PTPN20: variants seen among roughly 807,000 people sequenced by gnomAD.
PTPN20 encodes the protein protein tyrosine phosphatase non-receptor type 20, also known as tyrosine-protein phosphatase non-receptor type 20.
PTPN20 carries 9 observed loss-of-function variants against 35.0 expected under a neutral mutation model. The observed-to-expected ratio is 0.26, with a 90% CI of 0.15 to 0.45. The LOEUF is 0.45. Among genes scored for constraint, PTPN20 ranks in the 20% least tolerant of loss-of-function variants. The pLI is 1.00. For missense variants in PTPN20, 111 were observed against 312.5 expected, an observed-to-expected ratio of 0.36 and a Z score of 4.86; for synonymous variants, 32 against 100.2, an observed-to-expected ratio of 0.32 and a Z score of 4.06.
At chr10:46,995,343 T>TC (rs1483073190) in intron 9 of PTPN20, among the ~76,000 whole-genome samples, 5 of 147,186 alleles carry the variant, frequency 3.4e-5, no homozygotes, top group South Asian at 4.4e-4. Flanking sequence ...CTTTTTTTTT[T>TC]TTTTTTTTTT....
intron 9 of PTPN20, among the ~76,000 whole-genome samples, chr10:46,992,264 A>G (rs891833040): frequency 1.3e-5 from 2 of 151,776 alleles, no homozygotes; most frequent in African/African-American, 4.8e-5. Context: ...CTGGGACTAC[A>G]AGCGCGTGCC....
chr10:47,000,111 G>T, intron 10 of PTPN20, 137 bp downstream of exon 10: 1 of 1,337,032 alleles, frequency 7.5e-7, no homozygotes, highest in South Asian at 1.2e-5. Flanking sequence ...CATTAGTTTT[G>T]CTCTGATTCT....
intron 5 of PTPN20, among the ~76,000 whole-genome samples, chr10:46,953,337 TTCTTTCTTTCTTTC>T (rs1303094007): frequency 3.6e-5 from 2 of 55,964 alleles, no homozygotes; most frequent in African/African-American, 1.0e-4. Flanking sequence ...TTCATTTCTT[TTCTTTCTTTCTTTC>T]TTTCTTTCTT....
intron 7 of PTPN20, among the ~76,000 whole-genome samples, chr10:46,977,324 T>C (rs1364410680): frequency 6.6e-6 from 1 of 152,292 alleles, no homozygotes; most frequent in Non-Finnish European, 1.5e-5. Flanking sequence ...AAATAAATCT[T>C]TCTCACTGTA....
At chr10:46,940,829 T>G (rs2043240025) in intron 3 of PTPN20, 112 bp downstream of exon 3, 1 of 1,223,658 alleles carries the variant, frequency 8.2e-7, no homozygotes, top group South Asian at 1.3e-5. Flanking sequence ...GATTTCTTAA[T>G]TTTTTGTCAC....
intron 7 of PTPN20, among the ~76,000 whole-genome samples, chr10:46,977,332 G>A (rs1450017666): frequency 7.9e-5 from 12 of 152,150 alleles, no homozygotes; most frequent in African/African-American, 2.9e-4. Flanking sequence ...CTTTCTCACT[G>A]TATATATACA....
intron 5 of PTPN20, among the ~76,000 whole-genome samples, chr10:46,948,858 T>G (rs1327414062): frequency 6.8e-6 from 1 of 147,308 alleles, no homozygotes; most frequent in Non-Finnish European, 1.5e-5. Context: ...TTAGTGATAC[T>G]ACCCCTTCTC....
At chr10:46,992,147 G>T in intron 9 of PTPN20, among the ~76,000 whole-genome samples, 1 of 142,196 alleles carries the variant, frequency 7.0e-6, no homozygotes, top group Non-Finnish European at 1.5e-5. Context: ...TTTTGAGACA[G>T]AGTCTTGGTC....
chr10:46,976,727 G>C (rs1482534163), intron 7 of PTPN20, among the ~76,000 whole-genome samples: 2 of 134,390 alleles, frequency 1.5e-5, no homozygotes, highest in Admixed American at 1.4e-4. Context: ...GTCTACTCTT[G>C]TCTTTTTTTT....
intron 9 of PTPN20, among the ~76,000 whole-genome samples, chr10:46,990,245 C>G (rs1183137018): frequency 2.0e-5 from 3 of 148,334 alleles, no homozygotes; most frequent in African/African-American, 7.3e-5. Context: ...TGATGGCATG[C>G]ACCTGCAGTC....
chr10:46,922,743 G>C (rs564780725), intron 1 of PTPN20, among the ~76,000 whole-genome samples: 1 of 139,590 alleles, frequency 7.2e-6, no homozygotes, highest in Non-Finnish European at 1.5e-5. Flanking sequence ...TCAGGCCCTG[G>C]AAACCTAATG....
chr10:46,919,203 T>A (rs1188443094), intron 1 of PTPN20, among the ~76,000 whole-genome samples: 2 of 152,236 alleles, frequency 1.3e-5, no homozygotes, highest in East Asian at 3.8e-4. Context: ...AGACAGTATA[T>A]AATTGGATCT....
chr10:46,948,045 T>C (rs2045522487), intron 5 of PTPN20: 4 of 417,258 alleles, frequency 9.6e-6, no homozygotes, highest in African/African-American at 8.4e-5. Flanking sequence ...ATTTGTTGCT[T>C]TTTACTTTTC....
At chr10:46,940,037 G>A (rs1434577939) in intron 2 of PTPN20, among the ~76,000 whole-genome samples, 1 of 140,386 alleles carries the variant, frequency 7.1e-6, no homozygotes, top group Non-Finnish European at 1.6e-5. Context: ...ATTTTCTCTT[G>A]GCTTCTTATC....
chr10:46,948,907 A>G (rs1382395315), intron 5 of PTPN20, among the ~76,000 whole-genome samples: 1 of 148,964 alleles, frequency 6.7e-6, no homozygotes, highest in African/African-American at 2.5e-5. Flanking sequence ...TGGCAAGTCT[A>G]CAGTGGAGAA....
chr10:46,953,548 T>G (rs1433849894), intron 5 of PTPN20, among the ~76,000 whole-genome samples: 13 of 139,834 alleles, frequency 9.3e-5, no homozygotes, highest in African/African-American at 4.0e-4. Flanking sequence ...GCTGTAGTAT[T>G]TTTGTGAATG....
rs1261331302 is a variant in PTPN20 at position 47,001,028 on chromosome 10, G to T, written c.*287G>T. 2.0e-6 allele frequency: 1 copy of T among 489,312 alleles called. No homozygotes were observed. The highest frequency in any genetic ancestry group is 1.9e-5 in the African/African-American group (1 of 51,328). 30.3% of individuals were successfully genotyped at this position (489,312 alleles called of 1,614,324 possible). On this transcript the variant is annotated 3_prime_UTR_variant, in exon 11 of 11. Transcript: ENST00000374339. ...TGCAGCTTGGCTATTTGGTTGAAGG[G>T]ATTACAGAGCCCAATAAAGGATTTA...
intron 9 of PTPN20, among the ~76,000 whole-genome samples, chr10:46,997,658 C>T (rs1312434232): frequency 6.7e-6 from 1 of 148,822 alleles, no homozygotes; most frequent in Non-Finnish European, 1.5e-5. Flanking sequence ...ATATGCAGGG[C>T]ACATATCCAA....
chr10:46,998,466 T>C (rs2059531538), intron 9 of PTPN20, among the ~76,000 whole-genome samples: 1 of 152,226 alleles, frequency 6.6e-6, no homozygotes, highest in African/African-American at 2.4e-5. Flanking sequence ...AACAGATTAC[T>C]ATTTTCCAAG....
Sources: allele counts gnomAD v4.1 joint callset (sites outside exome capture counted in the v4.1 genomes callset), GRCh38; gene constraint gnomAD v4.1.1; transcripts MANE v1.5; gene names NCBI Gene and HGNC (gene_info 2026-07-23, HGNC 2026-07-21).